The following SSC4D variants were observed in gnomAD, a reference collection of about 807,000 sequenced individuals.
The protein encoded by SSC4D is scavenger receptor cysteine rich family member with 4 domains, also known as scavenger receptor cysteine-rich domain-containing group B protein.
SSC4D carries 57 observed loss-of-function variants against 63.4 expected under a neutral mutation model. That is an observed-to-expected ratio of 0.90 (90% CI 0.73 to 1.12). SSC4D has a LOEUF of 1.12. SSC4D is among the 50% of genes most tolerant of loss of function. The pLI, the probability that SSC4D is intolerant of heterozygous loss-of-function variation, is 0.00. For synonymous variants in SSC4D, 352 were observed against 345.4 expected (o/e 1.02, Z -0.21); for missense variants, 791 against 806.4 (o/e 0.98, Z 0.23).
chr7:76,389,968 G>A lies in SSC4D; in HGVS notation c.*91C>T, dbSNP rs1470494556. 4 of 1,538,250 alleles carry A rather than the reference G, an allele frequency of 2.6e-6. No homozygotes were observed. In the African/African-American group the frequency reaches 4.1e-5, roughly 16 times the overall value. ...CAGGCAAGGGAAGGAGGGGCAAAGTGAACTGTAGTCATCACAAGAGGAGGG... is the reference window on the plus strand; with the variant it reads ...CAGGCAAGGGAAGGAGGGGCAAAGTAAACTGTAGTCATCACAAGAGGAGGG... On this transcript the variant is annotated 3_prime_UTR_variant, in exon 11 of 11. Transcript: ENST00000275560.
At position 76,396,247 on chromosome 7, in the gene SSC4D, G is replaced by A. The variant is rs1056769858; in HGVS notation, c.869-917C>T. 5.9e-5 allele frequency among the ~76,000 whole-genome samples: 9 copies of A among 152,362 alleles called. No homozygotes were observed. The South Asian group carries it at 1.7e-3, about 28-fold the overall frequency. On this transcript the variant is annotated intron_variant, in intron 6 of 10. Coordinates refer to ENST00000275560, the MANE Select transcript of SSC4D (RefSeq NM_080744.2). ...GAGGACTAGCTAAAACAGGGATGGGGTGGGAGTGCCTCTCCATGAGATACG... is the reference window on the plus strand; with the variant it reads ...GAGGACTAGCTAAAACAGGGATGGGATGGGAGTGCCTCTCCATGAGATACG...
chr7:76,397,950 G>T (rs1044656289), intron 5 of SSC4D, 118 bp from the exon 6 acceptor site: 20 of 1,070,408 alleles, frequency 1.9e-5, no homozygotes, highest in Middle Eastern at 2.9e-4. Flanking sequence ...TCACCCCGCT[G>T]CCCAGGGTAC....
chr7:76,395,417 C>T (rs1804614053), intron 6 of SSC4D, 87 bp from the exon 7 acceptor site: 2 of 1,375,600 alleles, frequency 1.5e-6, no homozygotes, highest in African/African-American at 2.9e-5. Flanking sequence ...ATAGGAGGGT[C>T]TGCCTGGAGG....
At chr7:76,405,302 TATA>T (rs1447839375) in intron 1 of SSC4D, among the ~76,000 whole-genome samples, 195 of 58,334 alleles carry the variant, frequency 3.3e-3, no homozygotes, top group African/African-American at 4.4e-3. Context: ...TATATATATA[TATA>T]TATATATATA....
chr7:76,403,177 G>A (rs76360426), intron 2 of SSC4D, among the ~76,000 whole-genome samples: 4,441 of 152,210 alleles, frequency 0.029, 200 homozygotes, highest in African/African-American at 0.098. Flanking sequence ...GAGTGGAGGT[G>A]GGAGAGGAAA....
chr7:76,398,293 C>T (rs1192307392), intron 5 of SSC4D, among the ~76,000 whole-genome samples: 3 of 150,344 alleles, frequency 2.0e-5, no homozygotes, highest in East Asian at 1.9e-4. Context: ...CCAGTCTCAC[C>T]GCCCATTCAT....
chr7:76,405,923 C>T (rs997812038), intron 1 of SSC4D, among the ~76,000 whole-genome samples: 2 of 151,902 alleles, frequency 1.3e-5, no homozygotes, highest in African/African-American at 4.8e-5. Context: ...TCCCTCTCTC[C>T]CTTTCTTGCC....
At chr7:76,396,094 C>T (rs1804632353) in intron 6 of SSC4D, among the ~76,000 whole-genome samples, 1 of 152,218 alleles carries the variant, frequency 6.6e-6, no homozygotes, top group South Asian at 2.1e-4. Context: ...AGACTTCTGC[C>T]CTCCTACAGC....
rs746365569 is a variant in SSC4D at position 76,393,388 on chromosome 7, TTCGCTGTCAGCCTCAC to T, written c.1333+1_1333+16del. On this transcript the variant is annotated splice_donor_variant and splice_donor_5th_base_variant and intron_variant, in intron 9 of 10. Transcript: ENST00000275560. LOFTEE classifies it high-confidence loss of function. ...GCGCGGCCCCGCTGTCAGCCTCACC[TTCGCTGTCAGCCTCAC>T]CTGCGCAGAGCGCTCCCGCGTCCTC... 8.2e-6 allele frequency: 11 copies of T among 1,344,746 alleles called. No homozygotes were observed. The highest frequency in any genetic ancestry group is 7.7e-6 in the Non-Finnish European group (8 of 1,045,012). 83.3% of individuals were successfully genotyped at this position (1,344,746 alleles called of 1,614,324 possible).
At position 76,393,457 on chromosome 7, in the gene SSC4D, G is replaced by T. The variant is rs1441439787; in HGVS notation, c.1281C>A (p.Gly427=). Residue 427 remains glycine, a synonymous_variant, in exon 9 of 11, where the codon GGC becomes GGA. Coordinates refer to ENST00000275560, the MANE Select transcript of SSC4D (RefSeq NM_080744.2). ...EARLSDCFHL[G]WGQHNCGHHE... ...GGTGGCCGCAGTTGTGCTGGCCCCA[G>T]CCCAGGTGGAAGCAGTCGCTCAGGC... 2 of 1,540,066 alleles carry T rather than the reference G, an allele frequency of 1.3e-6. No homozygotes were observed. The highest frequency in any genetic ancestry group is 2.5e-5 in the East Asian group (1 of 39,530).
At chr7:76,405,351 T>TCTTTC in intron 1 of SSC4D, among the ~76,000 whole-genome samples, 6 of 103,610 alleles carry the variant, frequency 5.8e-5, no homozygotes, top group African/African-American at 1.1e-4. Flanking sequence ...TTTTTTTTTT[T>TCTTTC]TTTTTTTTTT....
chr7:76,392,432 C>T (rs575582788), intron 9 of SSC4D, among the ~76,000 whole-genome samples: 14 of 151,834 alleles, frequency 9.2e-5, no homozygotes, highest in African/African-American at 3.1e-4. Flanking sequence ...CACCTGTAGT[C>T]CCAGCTACTC....
At chr7:76,406,493 TA>T (rs1805037199) in intron 1 of SSC4D, among the ~76,000 whole-genome samples, 1 of 152,018 alleles carries the variant, frequency 6.6e-6, no homozygotes, top group African/African-American at 2.4e-5. Flanking sequence ...TTTTATTTTT[TA>T]TTTTTTACAG....
Position 76,400,412 on chromosome 7 carries a change from G to T in SSC4D, c.349C>A (p.Arg117=). ...VPRPLAFGQG[R]GPILLDNVEC... ...ACGTTGTCCAGCAGGATGGGGCCTC[G>T]GCCTTGGCCAAAGGCAAGGGGCCGT... Residue 117 remains arginine, a synonymous_variant, in exon 4 of 11, where the codon CGA becomes AGA. Coordinates refer to ENST00000275560, the MANE Select transcript of SSC4D (RefSeq NM_080744.2). The T allele has an allele frequency of 6.2e-7, 1 of 1,603,530 alleles. No homozygotes were observed. The highest frequency in any genetic ancestry group is 1.1e-5 in the South Asian group (1 of 90,652).
intron 1 of SSC4D, among the ~76,000 whole-genome samples, chr7:76,404,953 C>A (rs1472524362): frequency 6.6e-6 from 1 of 151,478 alleles, no homozygotes; most frequent in East Asian, 2.0e-4. Context: ...ACCTGTAATC[C>A]CAGCTACTCG....
Position 76,389,923 on chromosome 7 carries a change from T to TGTC in SSC4D, c.*133_*135dup. 8.6e-7 allele frequency: 1 copy of TGTC among 1,157,656 alleles called. No homozygotes were observed. The highest frequency in any genetic ancestry group is 2.3e-5 in the Admixed American group (1 of 44,114). 71.7% of individuals were successfully genotyped at this position (1,157,656 alleles called of 1,614,324 possible). On this transcript the variant is annotated 3_prime_UTR_variant, in exon 11 of 11. Coordinates refer to ENST00000275560, the MANE Select transcript of SSC4D (RefSeq NM_080744.2). ...CAGGCTCCCCCAAGCAGGACTGCACTGTCTAGGTAGGCTCTCTCCCAGGCA... is the reference window on the plus strand; with the variant it reads ...CAGGCTCCCCCAAGCAGGACTGCACTGTCGTCTAGGTAGGCTCTCTCCCAGGCA...
chr7:76,406,901 A>G (rs1489701645), intron 1 of SSC4D, among the ~76,000 whole-genome samples: 2 of 151,742 alleles, frequency 1.3e-5, no homozygotes, highest in Admixed American at 6.6e-5. Context: ...CATGGTAACT[A>G]TGATTTACTT....
Position 76,397,835 on chromosome 7 carries a change from G to C in SSC4D, c.554-3C>G. On this transcript the variant is annotated splice_polypyrimidine_tract_variant and splice_region_variant and intron_variant, in intron 5 of 10. Coordinates refer to ENST00000275560, the MANE Select transcript of SSC4D (RefSeq NM_080744.2). ...TACCAGGCGTACGCTGCCCTCACCT[G>C]GGGATGGGGGCGGGGGTCAGGGCGC... is the stretch of plus-strand genomic sequence containing the variant. The C allele has an allele frequency of 6.4e-7, 1 of 1,556,552 alleles. No homozygotes were observed. The highest frequency in any genetic ancestry group is 8.7e-7 in the Non-Finnish European group (1 of 1,147,968).
At chr7:76,401,719 G>T (rs539763972) in intron 2 of SSC4D, among the ~76,000 whole-genome samples, 15 of 152,268 alleles carry the variant, frequency 9.9e-5, no homozygotes, top group Admixed American at 5.9e-4. Flanking sequence ...ACCTAGGCAA[G>T]AGCTTTTTTC....
Sources: allele counts gnomAD v4.1 joint callset (sites outside exome capture counted in the v4.1 genomes callset), GRCh38; gene constraint gnomAD v4.1.1; transcripts MANE v1.5; gene names NCBI Gene and HGNC (gene_info 2026-07-23, HGNC 2026-07-21).